PCDH15: variants seen among roughly 807,000 people sequenced by gnomAD.
PCDH15 encodes protocadherin related 15, also known as protocadherin-15.
In PCDH15, 129 loss-of-function variants were observed where a neutral mutation model predicts 178.5. That is an observed-to-expected ratio of 0.72 (90% CI 0.63 to 0.84). The LOEUF is 0.84. PCDH15 is among the 40% of genes least tolerant of loss of function. The pLI, the probability that PCDH15 is intolerant of heterozygous loss-of-function variation, is 0.00. For missense variants in PCDH15, 2,230 were observed against 2,099.9 expected, an observed-to-expected ratio of 1.06 and a Z score of -1.21; for synonymous variants, 800 against 732.0, an observed-to-expected ratio of 1.09 and a Z score of -1.50.
intron 3 of PCDH15, among the ~76,000 whole-genome samples, chr10:54,433,931 T>C (rs533906453): frequency 2.2e-4 from 34 of 152,336 alleles, no homozygotes; most frequent in Non-Finnish European, 2.8e-4. Context: ...ATTGTTATTA[T>C]AGGAGACAAC....
At chr10:55,077,468 C>T (rs934897272) in intron 2 of PCDH15, among the ~76,000 whole-genome samples, 6 of 146,780 alleles carry the variant, frequency 4.1e-5, no homozygotes, top group African/African-American at 1.5e-4. Context: ...TCCTTCCTTT[C>T]CTTCCTTCTT....
At chr10:54,265,739 T>C (rs2057630410) in intron 8 of PCDH15, among the ~76,000 whole-genome samples, 1 of 152,082 alleles carries the variant, frequency 6.6e-6, no homozygotes, top group Non-Finnish European at 1.5e-5. Flanking sequence ...TAAATAAATA[T>C]GCACCCAACA....
intron 2 of PCDH15, among the ~76,000 whole-genome samples, chr10:54,564,060 T>C (rs1009989887): frequency 1.3e-5 from 2 of 152,142 alleles, no homozygotes; most frequent in African/African-American, 4.8e-5. Flanking sequence ...TCTAAATTAA[T>C]TAATTATAAA....
At chr10:54,352,859 CAAT>C (rs1280796178) in intron 5 of PCDH15, among the ~76,000 whole-genome samples, 1 of 152,074 alleles carries the variant, frequency 6.6e-6, no homozygotes, top group South Asian at 2.1e-4. Context: ...GTTTAATCAA[CAAT>C]GAGAACTATG....
At chr10:55,102,297 C>T (rs1234203671) in intron 2 of PCDH15, among the ~76,000 whole-genome samples, 2 of 151,968 alleles carry the variant, frequency 1.3e-5, no homozygotes, top group African/African-American at 4.8e-5. Context: ...GTTGACTTTA[C>T]ATTTTAGTTT....
At chr10:55,622,514 A>G (rs1837427941) in intron 2 of PCDH15, among the ~76,000 whole-genome samples, 1 of 151,910 alleles carries the variant, frequency 6.6e-6, no homozygotes, top group African/African-American at 2.4e-5. Context: ...CAATATTTCT[A>G]TTTTACCCAA....
chr10:54,591,090 C>A (rs563245642), intron 2 of PCDH15, among the ~76,000 whole-genome samples: 55 of 152,276 alleles, frequency 3.6e-4, no homozygotes, highest in African/African-American at 1.2e-3. Flanking sequence ...GACCTAGCCA[C>A]TAGCCAAATG....
intron 8 of PCDH15, among the ~76,000 whole-genome samples, chr10:54,245,441 GA>G (rs2055825426): frequency 6.6e-6 from 1 of 152,052 alleles, no homozygotes; most frequent in Non-Finnish European, 1.5e-5. Context: ...AAAAAATTAT[GA>G]TAGATATTGA....
intron 8 of PCDH15, among the ~76,000 whole-genome samples, chr10:54,269,163 AG>A (rs1442446932): frequency 1.3e-5 from 2 of 152,002 alleles, no homozygotes; most frequent in Non-Finnish European, 2.9e-5. Flanking sequence ...AGTTGTTGTT[AG>A]GCTGCATATG....
intron 2 of PCDH15, among the ~76,000 whole-genome samples, chr10:55,107,950 G>A (rs1014556374): frequency 3.9e-5 from 6 of 152,194 alleles, no homozygotes; most frequent in Admixed American, 2.6e-4. Flanking sequence ...TAATGTGATG[G>A]TGCGTTTGGA....
intron 1 of PCDH15, among the ~76,000 whole-genome samples, chr10:55,211,183 C>A (rs1200758887): frequency 2.6e-5 from 4 of 151,916 alleles, no homozygotes; most frequent in Non-Finnish European, 2.9e-5. Flanking sequence ...TGGGAGACAG[C>A]TTGAAGGAGA....
intron 8 of PCDH15, among the ~76,000 whole-genome samples, chr10:54,290,862 A>G (rs2059356866): frequency 6.6e-6 from 1 of 152,206 alleles, no homozygotes; most frequent in Non-Finnish European, 1.5e-5. Flanking sequence ...CTAAATATAT[A>G]TGCACCTAAT....
intron 1 of PCDH15, among the ~76,000 whole-genome samples, chr10:55,200,042 A>G (rs1840201274): frequency 6.6e-6 from 1 of 152,002 alleles, no homozygotes; most frequent in African/African-American, 2.4e-5. Flanking sequence ...GTCTCTACAC[A>G]TTGTCCCCAC....
At chr10:55,452,099 C>A (rs765672604) in intron 2 of PCDH15, among the ~76,000 whole-genome samples, 1 of 151,620 alleles carries the variant, frequency 6.6e-6, no homozygotes, top group South Asian at 2.1e-4. Flanking sequence ...TTTTGCATAC[C>A]CTTTTATTAG....
intron 18 of PCDH15, among the ~76,000 whole-genome samples, chr10:54,029,015 T>C (rs2093213766): frequency 6.6e-6 from 1 of 152,154 alleles, no homozygotes; most frequent in Admixed American, 6.6e-5. Flanking sequence ...ACACATCTAA[T>C]GGAAACAAAG....
At chr10:55,561,611 A>T (rs995524269) in intron 2 of PCDH15, among the ~76,000 whole-genome samples, 18 of 151,874 alleles carry the variant, frequency 1.2e-4, no homozygotes, top group Admixed American at 1.2e-3. Context: ...CTTAGTACAT[A>T]AATAGATTAC....
chr10:54,134,633 G>A (rs2042736964), intron 14 of PCDH15, among the ~76,000 whole-genome samples: 1 of 151,422 alleles, frequency 6.6e-6, no homozygotes, highest in Non-Finnish European at 1.5e-5. Flanking sequence ...GGCGCCTGGG[G>A]TCCCAGCTAC....
At chr10:54,786,496 A>G (rs747599864) in intron 1 of PCDH15, among the ~76,000 whole-genome samples, 1 of 152,070 alleles carries the variant, frequency 6.6e-6, no homozygotes, top group Non-Finnish European at 1.5e-5. Flanking sequence ...CTCTGTTTAT[A>G]GAAGTCAAAG....
chr10:55,489,693 T>C (rs1461846171), intron 2 of PCDH15, among the ~76,000 whole-genome samples: 1 of 151,696 alleles, frequency 6.6e-6, no homozygotes, highest in Non-Finnish European at 1.5e-5. Flanking sequence ...AGCAAACACA[T>C]GGTCTTCTAT....
Sources: gnomAD v4.1 joint callset for allele counts (sites outside exome capture counted in the v4.1 genomes callset) on GRCh38, gnomAD v4.1.1 for gene constraint, MANE v1.5 for transcripts, NCBI Gene and HGNC (gene_info 2026-07-23, HGNC 2026-07-21) for gene names.